Variants in CSGALNACT1 observed in about 807,000 individuals in gnomAD.
CSGALNACT1 encodes beta4GalNAcT-1.
Under a neutral mutation model 51.0 loss-of-function variants are expected in CSGALNACT1, and 52 were observed. That is an observed-to-expected ratio of 1.02 (90% confidence interval 0.82 to 1.29). The LOEUF is 1.29. Ranked by LOEUF, CSGALNACT1 falls within the 50% of genes most tolerant of loss-of-function variation. The pLI is 0.00. For missense variants in CSGALNACT1, 935 were observed against 679.2 expected (o/e 1.38, Z -4.19); for synonymous variants, 341 against 254.4 (o/e 1.34, Z -3.24).
exon 10 of CSGALNACT1, chr8:19,405,424 A>G (rs2053947315): frequency 8.4e-6 from 4 of 474,886 alleles, no homozygotes; most frequent in South Asian, 1.5e-5. Context: ...ATGCTAATGA[A>G]TTTTTTACAA....
At chr8:19,410,602 G>T (rs558376837) in intron 8 of CSGALNACT1, among the ~76,000 whole-genome samples, 1 of 152,212 alleles carries the variant, frequency 6.6e-6, no homozygotes, top group East Asian at 1.9e-4. Flanking sequence ...ACAAGAGGGA[G>T]GCATCCAGAG....
upstream of CSGALNACT1, among the ~76,000 whole-genome samples, chr8:19,685,330 A>C (rs1000098376): frequency 4.6e-5 from 7 of 152,140 alleles, no homozygotes; most frequent in African/African-American, 2.4e-5. Context: ...GCAACATGGC[A>C]AAACCCTGTC....
At chr8:19,441,756 A>G (rs2061363029) in intron 5 of CSGALNACT1, among the ~76,000 whole-genome samples, 1 of 151,878 alleles carries the variant, frequency 6.6e-6, no homozygotes, top group African/African-American at 2.4e-5. Context: ...GCACAGCAAA[A>G]GAAACTACCA....
At chr8:19,490,510 G>A (rs2074130908) in intron 4 of CSGALNACT1, among the ~76,000 whole-genome samples, 1 of 152,196 alleles carries the variant, frequency 6.6e-6, no homozygotes, top group Non-Finnish European at 1.5e-5. Flanking sequence ...GGACTCTGAC[G>A]GAGAACACCA....
chr8:19,463,046 C>T (rs781457016), intron 4 of CSGALNACT1, among the ~76,000 whole-genome samples: 1 of 152,186 alleles, frequency 6.6e-6, no homozygotes, highest in Non-Finnish European at 1.5e-5. Context: ...TCAATGTTTA[C>T]CTCCCACTTA....
At chr8:19,672,580 T>C (rs556802166) in intron 1 of CSGALNACT1, among the ~76,000 whole-genome samples, 3 of 152,340 alleles carry the variant, frequency 2.0e-5, no homozygotes, top group South Asian at 4.1e-4. Flanking sequence ...AAATGCTTAA[T>C]AGCAGAAAAC....
chr8:19,617,018 C>T (rs150980525), intron 1 of CSGALNACT1, among the ~76,000 whole-genome samples: 7 of 152,250 alleles, frequency 4.6e-5, no homozygotes, highest in African/African-American at 1.7e-4. Flanking sequence ...CACAACTCAC[C>T]ATAATGTTGA....
chr8:19,521,838 A>C (rs911682754), intron 3 of CSGALNACT1, among the ~76,000 whole-genome samples: 1 of 152,144 alleles, frequency 6.6e-6, no homozygotes, highest in Admixed American at 6.5e-5. Context: ...AGAGAGGGGG[A>C]CTTTGAAAAC....
At chr8:19,659,986 T>C (rs2058622721) in intron 1 of CSGALNACT1, among the ~76,000 whole-genome samples, 1 of 152,232 alleles carries the variant, frequency 6.6e-6, no homozygotes, top group African/African-American at 2.4e-5. Context: ...TAGTAGTTCA[T>C]TTACTACTCT....
At chr8:19,590,186 G>A (rs890776993) in intron 3 of CSGALNACT1, among the ~76,000 whole-genome samples, 9 of 152,164 alleles carry the variant, frequency 5.9e-5, no homozygotes, top group East Asian at 5.8e-4. Flanking sequence ...GGCTGTGGGC[G>A]ACACGACTGC....
At chr8:19,530,461 G>A (rs2082549643) in intron 3 of CSGALNACT1, among the ~76,000 whole-genome samples, 1 of 152,072 alleles carries the variant, frequency 6.6e-6, no homozygotes, top group South Asian at 2.1e-4. Context: ...TTGCATTTAT[G>A]ACTTAGTCTC....
At chr8:19,457,838 A>C (rs1268567169) in intron 5 of CSGALNACT1, 25 of 1,343,642 alleles carry the variant, frequency 1.9e-5, no homozygotes, top group Non-Finnish European at 1.9e-5. Context: ...AACCCAGCTT[A>C]GTCTCATTGA....
chr8:19,500,119 G>C (rs965725797), intron 4 of CSGALNACT1, among the ~76,000 whole-genome samples: 5 of 152,214 alleles, frequency 3.3e-5, no homozygotes, highest in African/African-American at 4.8e-5. Flanking sequence ...CCTGGTGAGA[G>C]AGGAACCTTC....
At chr8:19,696,790 C>A (rs78114419) in intron 1 of CSGALNACT1, among the ~76,000 whole-genome samples, 1 of 152,142 alleles carries the variant, frequency 6.6e-6, no homozygotes, top group African/African-American at 2.4e-5. Flanking sequence ...TACACAGGAA[C>A]CACACACAGT....
chr8:19,577,207 T>G (rs1023936735), intron 3 of CSGALNACT1, among the ~76,000 whole-genome samples: 1 of 152,140 alleles, frequency 6.6e-6, no homozygotes, highest in South Asian at 2.1e-4. Context: ...GGAGAATTCA[T>G]AATTTTGTTC....
At chr8:19,481,713 G>A (rs143116949) in intron 4 of CSGALNACT1, among the ~76,000 whole-genome samples, 162 of 151,898 alleles carry the variant, frequency 1.1e-3, no homozygotes, top group Middle Eastern at 6.8e-3. Context: ...TTTTCTACCC[G>A]GGCCATAGAA....
upstream of CSGALNACT1, among the ~76,000 whole-genome samples, chr8:19,604,172 C>G (rs889192835): frequency 6.6e-6 from 1 of 152,140 alleles, no homozygotes; most frequent in Non-Finnish European, 1.5e-5. Flanking sequence ...GACTAGAAGG[C>G]AAACCCACTG....
intron 1 of CSGALNACT1, among the ~76,000 whole-genome samples, chr8:19,681,057 G>T (rs1269453555): frequency 6.6e-6 from 1 of 152,046 alleles, no homozygotes; most frequent in Non-Finnish European, 1.5e-5. Context: ...CAAGGGACTT[G>T]GGCATCCAGA....
At chr8:19,698,251 T>C (rs10090551) in intron 1 of CSGALNACT1, among the ~76,000 whole-genome samples, 92,161 of 152,106 alleles carry the variant, frequency 0.61, 28,108 homozygotes, top group Middle Eastern at 0.73. Flanking sequence ...CCTTGCCTTC[T>C]GGCCCCAGAA....
Sources: gnomAD v4.1 joint callset for allele counts (sites outside exome capture counted in the v4.1 genomes callset) on GRCh38, gnomAD v4.1.1 for gene constraint, MANE v1.5 for transcripts, NCBI Gene and HGNC (gene_info 2026-07-23, HGNC 2026-07-21) for gene names.